The following PCDH15 variants were observed in gnomAD, a reference collection of about 807,000 sequenced individuals.
PCDH15 encodes protocadherin related 15.
In PCDH15, 129 loss-of-function variants were observed where a neutral mutation model predicts 178.5. The observed-to-expected ratio is 0.72, with a 90% CI of 0.63 to 0.84. PCDH15 has a LOEUF of 0.84. PCDH15 is among the 40% of genes least tolerant of loss of function. The pLI is 0.00. For missense variants in PCDH15, 2,230 were observed against 2,099.9 expected (o/e 1.06, Z -1.21); for synonymous variants, 800 against 732.0 (o/e 1.09, Z -1.50).
intron 16 of PCDH15, among the ~76,000 whole-genome samples, chr10:54,084,663 G>T (rs2094490099): frequency 6.6e-6 from 1 of 151,962 alleles, no homozygotes. Context: ...AACAAAACAA[G>T]CTACCGAATT....
At chr10:54,207,399 T>C (rs1364236706) in intron 10 of PCDH15, among the ~76,000 whole-genome samples, 4 of 145,914 alleles carry the variant, frequency 2.7e-5, no homozygotes, top group Non-Finnish European at 4.5e-5. Flanking sequence ...TGTGTGTGTG[T>C]GTGTGTGTGT....
At chr10:54,023,711 CATT>C (rs1224848227) in intron 18 of PCDH15, among the ~76,000 whole-genome samples, 1 of 150,386 alleles carries the variant, frequency 6.6e-6, no homozygotes, top group East Asian at 1.9e-4. Context: ...TTATAATAAA[CATT>C]AATCATATTT....
chr10:54,805,392 G>T (rs1057206288), upstream of PCDH15, among the ~76,000 whole-genome samples: 1 of 152,064 alleles, frequency 6.6e-6, no homozygotes, highest in Admixed American at 6.6e-5. Context: ...CTTATTGTCA[G>T]CAGTCATTTA....
intron 1 of PCDH15, among the ~76,000 whole-genome samples, chr10:55,189,488 G>T (rs1217879691): frequency 6.6e-6 from 1 of 151,758 alleles, no homozygotes; most frequent in Non-Finnish European, 1.5e-5. Flanking sequence ...TGTGACTAAA[G>T]TTAGACCAGC....
intron 8 of PCDH15, among the ~76,000 whole-genome samples, chr10:54,283,151 T>C (rs1374298980): frequency 6.6e-6 from 1 of 152,122 alleles, no homozygotes; most frequent in Non-Finnish European, 1.5e-5. Flanking sequence ...TGCAGTGTTT[T>C]AGAAGGCCAC....
chr10:55,309,347 C>T (rs1843516528), intron 1 of PCDH15, among the ~76,000 whole-genome samples: 1 of 151,914 alleles, frequency 6.6e-6, no homozygotes, highest in Admixed American at 6.6e-5. Flanking sequence ...AAGACCCCAC[C>T]TTTATGAAGA....
chr10:54,627,250 G>T (rs1294171828), intron 2 of PCDH15, among the ~76,000 whole-genome samples: 1 of 152,116 alleles, frequency 6.6e-6, no homozygotes, highest in Admixed American at 6.5e-5. Context: ...GGCATATTTG[G>T]TTTTGAAATG....
At chr10:54,400,052 G>A (rs578010251) in intron 3 of PCDH15, among the ~76,000 whole-genome samples, 77 of 152,112 alleles carry the variant, frequency 5.1e-4, no homozygotes, top group African/African-American at 1.6e-3. Context: ...CAAGGTTGTT[G>A]ACACCCAGGT....
At chr10:54,249,123 C>G (rs183361995) in intron 8 of PCDH15, among the ~76,000 whole-genome samples, 2 of 152,040 alleles carry the variant, frequency 1.3e-5, no homozygotes, top group Non-Finnish European at 2.9e-5. Flanking sequence ...TATTTTGTAT[C>G]AGTATTTGTT....
chr10:55,263,983 C>G (rs1842216094), intron 1 of PCDH15, among the ~76,000 whole-genome samples: 1 of 144,712 alleles, frequency 6.9e-6, no homozygotes, highest in Non-Finnish European at 1.5e-5. Flanking sequence ...ATTCGCCCGC[C>G]TCGGCCTCCC....
chr10:54,502,527 A>G (rs1333833157), intron 3 of PCDH15, among the ~76,000 whole-genome samples: 1 of 152,002 alleles, frequency 6.6e-6, no homozygotes, highest in Non-Finnish European at 1.5e-5. Context: ...AGTACTATAT[A>G]TAAGTTCTAT....
At chr10:55,602,928 T>C (rs1427324347) in intron 2 of PCDH15, among the ~76,000 whole-genome samples, 1 of 152,052 alleles carries the variant, frequency 6.6e-6, no homozygotes, top group Non-Finnish European at 1.5e-5. Context: ...CTTCAGACGA[T>C]CAAATTACTC....
At chr10:53,958,040 T>C (rs115816419) in intron 23 of PCDH15, among the ~76,000 whole-genome samples, 1,703 of 152,318 alleles carry the variant, frequency 0.011, 38 homozygotes, top group African/African-American at 0.039. Flanking sequence ...TGAAACTGCT[T>C]GGTTCAGTGG....
At chr10:54,135,460 A>C (rs2042824522) in intron 14 of PCDH15, among the ~76,000 whole-genome samples, 1 of 152,194 alleles carries the variant, frequency 6.6e-6, no homozygotes, top group African/African-American at 2.4e-5. Flanking sequence ...GAAGTTACAA[A>C]ATGTATTGTA....
intron 3 of PCDH15, among the ~76,000 whole-genome samples, chr10:54,437,028 G>C (rs2075466178): frequency 6.6e-6 from 1 of 152,136 alleles, no homozygotes; most frequent in Admixed American, 6.6e-5. Context: ...TAAATCATGA[G>C]AAATCTGAAT....
At chr10:54,865,251 A>G (rs1382739702) in intron 3 of PCDH15, among the ~76,000 whole-genome samples, 1 of 152,134 alleles carries the variant, frequency 6.6e-6, no homozygotes, top group African/African-American at 2.4e-5. Flanking sequence ...AAGGTGTGAT[A>G]AGCTGGCTTG....
At chr10:55,269,913 A>G (rs1327368016) in intron 1 of PCDH15, among the ~76,000 whole-genome samples, 1 of 152,134 alleles carries the variant, frequency 6.6e-6, no homozygotes, top group Non-Finnish European at 1.5e-5. Flanking sequence ...AAACAGCATG[A>G]TACTGGTATA....
intron 2 of PCDH15, among the ~76,000 whole-genome samples, chr10:55,406,544 G>T (rs1838201242): frequency 6.6e-6 from 1 of 152,168 alleles, no homozygotes; most frequent in Admixed American, 6.5e-5. Flanking sequence ...ACAGCATGAA[G>T]TAGTCATCAG....
chr10:55,478,787 G>A (rs536365384), intron 2 of PCDH15, among the ~76,000 whole-genome samples: 19 of 150,384 alleles, frequency 1.3e-4, no homozygotes, highest in South Asian at 4.2e-4. Context: ...AAATTCAGGC[G>A]CGAAAAAGGA....
Sources: allele counts gnomAD v4.1 joint callset (sites outside exome capture counted in the v4.1 genomes callset), GRCh38; gene constraint gnomAD v4.1.1; transcripts MANE v1.5; gene names NCBI Gene and HGNC (gene_info 2026-07-23, HGNC 2026-07-21).